PTPRD: variants seen among roughly 807,000 people sequenced by gnomAD.
PTPRD encodes the protein receptor-type tyrosine-protein phosphatase delta.
Under a neutral mutation model 214.5 loss-of-function variants are expected in PTPRD, and 34 were observed. That is an observed-to-expected ratio of 0.16 (90% CI 0.12 to 0.21). The LOEUF is 0.21. Ranked by LOEUF, PTPRD falls within the 10% of genes least tolerant of loss-of-function variation. PTPRD has a pLI of 1.00. For synonymous variants in PTPRD, 1,128 were observed against 845.7 expected (o/e 1.33, Z -5.79); for missense variants, 2,545 against 2,398.7 (o/e 1.06, Z -1.27).
At chr9:9,197,795 A>G (rs2099939499) in intron 9 of PTPRD, among the ~76,000 whole-genome samples, 2 of 152,160 alleles carry the variant, frequency 1.3e-5, no homozygotes, top group African/African-American at 2.4e-5. Context: ...TCAGATACTC[A>G]ATAAATGATT....
intron 3 of PTPRD, among the ~76,000 whole-genome samples, chr9:10,209,630 A>T (rs1427105292): frequency 6.6e-6 from 1 of 151,660 alleles, no homozygotes; most frequent in Admixed American, 6.6e-5. Context: ...TTTTTATACT[A>T]TATGATTTTC....
chr9:9,799,527 T>C (rs1386509921), intron 5 of PTPRD: 1 of 152,204 alleles, frequency 6.6e-6, no homozygotes, highest in African/African-American at 2.4e-5. Flanking sequence ...TGATACACTG[T>C]GTTTCCTTGG....
At chr9:10,470,104 T>TA (rs2099020679) in intron 2 of PTPRD, among the ~76,000 whole-genome samples, 1 of 152,062 alleles carries the variant, frequency 6.6e-6, no homozygotes, top group Admixed American at 6.6e-5. Context: ...TATATTTCAG[T>TA]AACTAGAAGA....
chr9:10,137,961 C>G (rs2098954623), intron 3 of PTPRD, among the ~76,000 whole-genome samples: 1 of 151,936 alleles, frequency 6.6e-6, no homozygotes, highest in Non-Finnish European at 1.5e-5. Context: ...AATTAATAAT[C>G]TAACATCACA....
At chr9:9,613,116 G>T (rs2094606870) in intron 7 of PTPRD, among the ~76,000 whole-genome samples, 1 of 70,720 alleles carries the variant, frequency 1.4e-5, no homozygotes. Context: ...TAATAGCTAG[G>T]CTGCAGTATA....
intron 11 of PTPRD, among the ~76,000 whole-genome samples, chr9:8,949,981 G>C (rs2099092801): frequency 6.6e-6 from 1 of 152,118 alleles, no homozygotes; most frequent in African/African-American, 2.4e-5. Context: ...AGTACAGGGA[G>C]ATTGTCTATC....
At chr9:9,689,016 A>T (rs1389813435) in intron 7 of PTPRD, among the ~76,000 whole-genome samples, 1 of 151,962 alleles carries the variant, frequency 6.6e-6, no homozygotes, top group Non-Finnish European at 1.5e-5. Flanking sequence ...AATTGCAATT[A>T]ATGTTAAATT....
intron 2 of PTPRD, among the ~76,000 whole-genome samples, chr9:10,479,652 A>AGTAAATAAATAAATAAATACATAAATAC (rs1555402852): frequency 1.9e-4 from 23 of 124,096 alleles, no homozygotes; most frequent in Non-Finnish European, 3.2e-4. Flanking sequence ...TAAATAAATA[A>AGTAAATAAATAAATAAATACATAAATAC]ATAAATAAAC....
At chr9:8,377,945 C>T (rs969224618) in intron 37 of PTPRD, among the ~76,000 whole-genome samples, 11 of 151,876 alleles carry the variant, frequency 7.2e-5, no homozygotes. Flanking sequence ...AACTATTGGC[C>T]CTTCTAAGAA....
chr9:8,723,707 G>A (rs191220851), intron 12 of PTPRD, among the ~76,000 whole-genome samples: 22 of 152,170 alleles, frequency 1.4e-4, no homozygotes, highest in African/African-American at 5.3e-4. Context: ...ACAAACAATG[G>A]CATTTTATTT....
At chr9:9,254,694 C>T (rs1366329064) in intron 9 of PTPRD, among the ~76,000 whole-genome samples, 2 of 152,012 alleles carry the variant, frequency 1.3e-5, no homozygotes, top group African/African-American at 4.8e-5. Context: ...GGAGAAATAT[C>T]AGCAGATGTT....
intron 2 of PTPRD, among the ~76,000 whole-genome samples, chr9:10,407,504 A>G (rs1222228919): frequency 6.6e-6 from 1 of 151,548 alleles, no homozygotes; most frequent in East Asian, 2.0e-4. Context: ...ACCATTCCTA[A>G]TAGAAATCAG....
intron 10 of PTPRD, among the ~76,000 whole-genome samples, chr9:9,163,508 G>A (rs975014255): frequency 4.0e-5 from 6 of 151,356 alleles, no homozygotes; most frequent in Admixed American, 6.6e-5. Context: ...AGCCACCACC[G>A]AGATCCAAGC....
chr9:9,283,690 G>C (rs1378697315), intron 9 of PTPRD, among the ~76,000 whole-genome samples: 1 of 151,370 alleles, frequency 6.6e-6, no homozygotes, highest in Non-Finnish European at 1.5e-5. Flanking sequence ...GTTGACTGGG[G>C]CTGGAAAAAA....
intron 30 of PTPRD, among the ~76,000 whole-genome samples, chr9:8,479,601 C>T (rs776828440): frequency 1.4e-4 from 22 of 152,126 alleles, no homozygotes; most frequent in Admixed American, 3.3e-4. Flanking sequence ...ATTCTCAACT[C>T]CTTCAGAAAT....
chr9:10,058,801 T>G (rs1329258969), intron 3 of PTPRD, among the ~76,000 whole-genome samples: 1 of 152,092 alleles, frequency 6.6e-6, no homozygotes, highest in Admixed American at 6.6e-5. Context: ...TAGGCACCAT[T>G]GTTTTTTTCC....
At chr9:8,349,538 TTCA>T (rs2074842265) in intron 39 of PTPRD, among the ~76,000 whole-genome samples, 1 of 152,176 alleles carries the variant, frequency 6.6e-6, no homozygotes, top group Non-Finnish European at 1.5e-5. Flanking sequence ...CTGTTTGTTT[TTCA>T]TCATTTCAAC....
chr9:10,194,339 TATATATAGAGAGAGAGAG>T (rs1394810648), intron 3 of PTPRD, among the ~76,000 whole-genome samples: 96 of 68,222 alleles, frequency 1.4e-3, no homozygotes, highest in South Asian at 2.7e-3. Flanking sequence ...TATATATATA[TATATATAGAGAGAGAGAG>T]AGAGAGAGAG....
chr9:9,864,784 G>C (rs1425217315), intron 5 of PTPRD, among the ~76,000 whole-genome samples: 1 of 152,088 alleles, frequency 6.6e-6, no homozygotes, highest in Non-Finnish European at 1.5e-5. Context: ...AGAGCACTAG[G>C]ATTGCAGACA....
Sources: allele counts gnomAD v4.1 joint callset (sites outside exome capture counted in the v4.1 genomes callset), GRCh38; gene constraint gnomAD v4.1.1; transcripts MANE v1.5; gene names NCBI Gene and HGNC (gene_info 2026-07-23, HGNC 2026-07-21).